Variants in APOBEC1 observed in about 807,000 individuals in gnomAD.
APOBEC1 encodes C->U-editing enzyme APOBEC-1.
In APOBEC1, 22 loss-of-function variants were observed where a neutral mutation model predicts 26.3. That is an observed-to-expected ratio of 0.84 (90% CI 0.60 to 1.19). The LOEUF (loss-of-function observed/expected upper bound fraction) is 1.19. APOBEC1 is among the 50% of genes most tolerant of loss of function. The pLI is 0.00. For synonymous variants in APOBEC1, 77 were observed against 95.3 expected, an observed-to-expected ratio of 0.81 and a Z score of 1.12; for missense variants, 253 against 289.0, an observed-to-expected ratio of 0.88 and a Z score of 0.90.
At chr12:7,654,313 A>G (rs1863684399) in intron 2 of APOBEC1, among the ~76,000 whole-genome samples, 1 of 152,218 alleles carries the variant, frequency 6.6e-6, no homozygotes. Flanking sequence ...AAAATGAAAG[A>G]AAGAATGGAA....
Position 7,654,936 on chromosome 12 carries a change from C to T in APOBEC1, c.17-304G>A, listed in dbSNP as rs150730394. Among the ~76,000 whole-genome samples, 1,396 of 152,208 alleles carry T rather than the reference C, an allele frequency of 9.2e-3. 22 individuals carry two copies. Among genetic ancestry groups the T allele is most frequent in the Non-Finnish European group, 9.5e-3 (643 of 67,998 alleles). On this transcript the variant is annotated intron_variant, in intron 1 of 4. Coordinates refer to ENST00000229304, the MANE Select transcript of APOBEC1 (RefSeq NM_001644.5). Reference sequence around the variant, plus strand: ...CTTAAAGCCTCTTAGAGGCCGGGTGCGGTGGCTCACGCCTGTAATTCTAGC... The same window carrying T: ...CTTAAAGCCTCTTAGAGGCCGGGTGTGGTGGCTCACGCCTGTAATTCTAGC...
chr12:7,650,587 C>G (rs6488547), intron 4 of APOBEC1, among the ~76,000 whole-genome samples: 131,680 of 152,194 alleles, frequency 0.87, 58,358 homozygotes, highest in Middle Eastern at 0.98. Context: ...TGTTTGTTTA[C>G]TTTGTTTGAT....
intron 1 of APOBEC1, among the ~76,000 whole-genome samples, chr12:7,662,282 A>T (rs1343901682): frequency 1.3e-5 from 2 of 151,928 alleles, no homozygotes; most frequent in Non-Finnish European, 2.9e-5. Context: ...AAAAAAATTT[A>T]AAAATTTAAA....
chr12:7,652,912 CTTTT>C (rs112046539), intron 2 of APOBEC1, 77 bp from the exon 3 acceptor site: 319,926 of 1,042,546 alleles, frequency 0.31, 63,503 homozygotes, highest in South Asian at 0.44. Context: ...CTCCCCTCTT[CTTTT>C]TTTATTTTAT....
At chr12:7,659,531 C>T (rs10845634) in intron 1 of APOBEC1, among the ~76,000 whole-genome samples, 61,789 of 150,718 alleles carry the variant, frequency 0.41, 12,831 homozygotes, top group South Asian at 0.54. Context: ...TATAGGTGTG[C>T]GTGCACAGAC....
chr12:7,660,338 A>G (rs112533259), intron 1 of APOBEC1, among the ~76,000 whole-genome samples: 10 of 32,014 alleles, frequency 3.1e-4, no homozygotes, highest in South Asian at 1.1e-3. Context: ...AAGGAAGGGA[A>G]GGAAGGAAGG....
intron 1 of APOBEC1, among the ~76,000 whole-genome samples, chr12:7,655,930 T>C (rs1397868378): frequency 6.6e-6 from 1 of 152,156 alleles, no homozygotes; most frequent in Non-Finnish European, 1.5e-5. Context: ...CTGTGAGCTA[T>C]GATTATGTCA....
intron 1 of APOBEC1, among the ~76,000 whole-genome samples, chr12:7,660,334 GGGAAGGAA>G (rs756648758): frequency 0.02 from 711 of 35,732 alleles, 23 homozygotes; most frequent in African/African-American, 0.049. Flanking sequence ...AAGGAAGGAA[GGGAAGGAA>G]GGAAGGAAGG....
At chr12:7,654,666 C>T in intron 1 of APOBEC1, 34 bp from the exon 2 acceptor site, 1 of 1,609,884 alleles carries the variant, frequency 6.2e-7, no homozygotes. Context: ...TCAAACAACA[C>T]TCAAATATCA....
At position 7,652,752 on chromosome 12, in the gene APOBEC1, T is replaced by G; in HGVS notation, c.128A>C (p.Lys43Thr). 6.2e-7 allele frequency: 1 copy of G among 1,614,094 alleles called. No individual in the cohort carries two copies. Among genetic ancestry groups the G allele is most frequent in the African/African-American group, 1.3e-5 (1 of 75,044 alleles). Reference sequence around the variant, plus strand: ...CCAGATCTTCCGGCTCATGCCCCACTTGATTTCGTAGAGCAGACAGGCCTC... The same window carrying G: ...CCAGATCTTCCGGCTCATGCCCCACGTGATTTCGTAGAGCAGACAGGCCTC... Reference protein sequence around the residue: ...RKEACLLYEIKWGMSRKIWRS... With the variant: ...RKEACLLYEITWGMSRKIWRS... The change falls in exon 3 of 5, where the codon AAG becomes ACG. Residue 43 changes from lysine (K) to threonine (T), a missense_variant. By Grantham distance (78) the Lys-to-Thr change is moderately conservative. Transcript: ENST00000229304.
At chr12:7,654,750 C>T (rs1863690490) in intron 1 of APOBEC1, 118 bp from the exon 2 acceptor site, 1 of 1,005,224 alleles carries the variant, frequency 9.9e-7, no homozygotes, top group Admixed American at 2.0e-5. Context: ...TTTGAAGATT[C>T]TCTCATGGAT....
intron 1 of APOBEC1, among the ~76,000 whole-genome samples, chr12:7,660,404 G>GAA (rs202025579): frequency 8.8e-6 from 1 of 113,374 alleles, no homozygotes. Flanking sequence ...AAGAAAGAAA[G>GAA]AAAGAAAGAG....
At chr12:7,659,526 G>C (rs766277475) in intron 1 of APOBEC1, among the ~76,000 whole-genome samples, 1 of 151,400 alleles carries the variant, frequency 6.6e-6, no homozygotes, top group East Asian at 1.9e-4. Flanking sequence ...GTGTGTATAG[G>C]TGTGCGTGCA....
rs773006098 is a variant in APOBEC1 at position 7,651,186 on chromosome 12, A to G, written c.443-45T>C. 31 of 1,381,044 alleles carry G rather than the reference A, an allele frequency of 2.2e-5. No homozygotes were observed. The East Asian group carries it at 6.9e-4, about 31-fold the overall frequency. 85.5% of individuals were successfully genotyped at this position (1,381,044 alleles called of 1,614,324 possible). A position where few individuals can be genotyped will look rare whatever the true frequency, so the allele number is the denominator to read the frequency against. ...GGCTCATTCAACAAGCACAATGGTA[A>G]ATTACTTAAGAAGATCCCCAACCTA... On this transcript the variant is annotated intron_variant, in intron 3 of 4. Coordinates refer to ENST00000229304, the MANE Select transcript of APOBEC1 (RefSeq NM_001644.5).
chr12:7,652,456 G>T lies in APOBEC1; in HGVS notation c.424C>A (p.Gln142Lys). ...RDLVNSGVTIQIMRASEYYHC... is the reference protein window; with the variant it reads ...RDLVNSGVTIKIMRASEYYHC... ...TTTTTACCTGATGCTCTCATAATCTGAATAGTTACTCCACTGTTAACAAGG... is the reference window on the plus strand; with the variant it reads ...TTTTTACCTGATGCTCTCATAATCTTAATAGTTACTCCACTGTTAACAAGG... Residue 142 changes from glutamine to lysine, a missense_variant, in exon 3 of 5, where the codon CAG (glutamine) becomes AAG (lysine). Gln to Lys is a moderately conservative substitution (Grantham distance 53, BLOSUM62 1). Transcript: ENST00000229304. The T allele has an allele frequency of 6.2e-7, 1 of 1,613,006 alleles. No individual in the cohort carries two copies. The highest frequency in any genetic ancestry group is 2.2e-5 in the East Asian group (1 of 44,872).
rs34275479 is a variant in APOBEC1, at chr12:7,652,818, C to T, written c.62G>A (p.Trp21Ter). 8.2e-3 allele frequency: 13,049 copies of T among 1,591,334 alleles called. 69 individuals are homozygous for T. The highest frequency in any genetic ancestry group is 1.0e-2 in the Non-Finnish European group (11,667 of 1,168,742). ...GGGGTCATAGAAGACGTCAAACTCC[C>T]AGGGTTCGATTCTTCTCCTGAAATA... ...DPTLRRRIEP[W>*]EFDVFYDPRE... Residue 21 changes from tryptophan (W) to a stop codon, truncating the protein, a stop_gained, in exon 3 of 5, where the codon TGG (tryptophan) becomes TAG (stop). Coordinates refer to ENST00000229304, the MANE Select transcript of APOBEC1 (RefSeq NM_001644.5). LOFTEE classifies it high-confidence loss of function.
rs1348986881 is a variant in APOBEC1, at chr12:7,649,712, A to T, written c.562-16T>A. 4.5e-6 allele frequency: 7 copies of T among 1,558,250 alleles called. No homozygotes were observed. The East Asian group carries it at 1.1e-4, about 25-fold the overall frequency. On this transcript the variant is annotated splice_polypyrimidine_tract_variant and intron_variant, in intron 4 of 4. Transcript: ENST00000229304. Reference sequence around the variant, plus strand: ...GTGGAAGACTCTGGAATAAAAAAGGATTATATTTAATCCTTAGGATGAATA... The same window carrying T: ...GTGGAAGACTCTGGAATAAAAAAGGTTTATATTTAATCCTTAGGATGAATA...
At chr12:7,653,142 G>A (rs934384239) in intron 2 of APOBEC1, among the ~76,000 whole-genome samples, 11 of 151,914 alleles carry the variant, frequency 7.2e-5, no homozygotes, top group African/African-American at 2.7e-4. Flanking sequence ...ATGTTGGCCA[G>A]GCTGGTCTCA....
chr12:7,657,266 T>C (rs1863730094), intron 1 of APOBEC1, among the ~76,000 whole-genome samples: 1 of 152,202 alleles, frequency 6.6e-6, no homozygotes, highest in African/African-American at 2.4e-5. Context: ...TAGCTGAATG[T>C]CTAGTTGCAT....
Sources: gnomAD v4.1 joint callset for allele counts (sites outside exome capture counted in the v4.1 genomes callset) on GRCh38, gnomAD v4.1.1 for gene constraint, MANE v1.5 for transcripts, NCBI Gene and HGNC (gene_info 2026-07-23, HGNC 2026-07-21) for gene names.